Variants in DIAPH2 observed in about 807,000 individuals in gnomAD.
DIAPH2 encodes diaphanous related formin 2.
DIAPH2 carries 35 observed loss-of-function variants against 92.7 expected under a neutral mutation model. That is an observed-to-expected ratio of 0.38 (90% CI 0.29 to 0.50). The LOEUF is 0.50. Among genes scored for constraint, DIAPH2 ranks in the 20% least tolerant of loss-of-function variants. DIAPH2 has a pLI of 0.94. For synonymous variants in DIAPH2, 301 were observed against 280.4 expected (o/e 1.07, Z -0.73); for missense variants, 701 against 819.5 (o/e 0.86, Z 1.77).
At chrX:97,517,678 G>A (rs990382297) in intron 26 of DIAPH2, among the ~76,000 whole-genome samples, 2 of 112,498 alleles carry the variant, frequency 1.8e-5, no homozygotes, top group East Asian at 2.8e-4. Context: ...TAAGGCTTTA[G>A]TCACACATAT....
chrX:97,368,665 C>G (rs974563718), intron 24 of DIAPH2, among the ~76,000 whole-genome samples: 29 of 99,785 alleles, frequency 2.9e-4, no homozygotes, highest in African/African-American at 9.4e-4. Context: ...AACCACAGCT[C>G]TTTTAAAAAG....
intron 22 of DIAPH2, among the ~76,000 whole-genome samples, chrX:97,221,151 AT>A (rs1339057068): frequency 9.0e-6 from 1 of 111,049 alleles, no homozygotes; most frequent in African/African-American, 3.3e-5. Context: ...AAATGGCCTA[AT>A]TTAAGTTGAA....
At chrX:97,367,689 A>G (rs1390972366) in intron 24 of DIAPH2, among the ~76,000 whole-genome samples, 1 of 108,680 alleles carries the variant, frequency 9.2e-6, no homozygotes, top group Non-Finnish European at 1.9e-5. Context: ...GGAATTCTCT[A>G]TCGGTAAAAT....
chrX:97,003,165 A>G (rs757249249), intron 17 of DIAPH2, among the ~76,000 whole-genome samples: 7 of 110,523 alleles, frequency 6.3e-5, no homozygotes, highest in Non-Finnish European at 1.1e-4. Context: ...GTACTCCATC[A>G]TGTATATTTA....
At chrX:97,257,955 T>C (rs948280610) in intron 23 of DIAPH2, among the ~76,000 whole-genome samples, 51 of 70,874 alleles carry the variant, frequency 7.2e-4, no homozygotes, top group Non-Finnish European at 1.3e-3. Context: ...ATGTTCTTTG[T>C]TTAAAAAAAA....
Position 97,559,250 on chromosome X carries a change from G to A in DIAPH2, c.3242-40003G>A, listed in dbSNP as rs777551017. On this transcript the variant is annotated intron_variant, in intron 26 of 26. Coordinates refer to ENST00000324765, the MANE Select transcript of DIAPH2 (RefSeq NM_006729.5). ...CTCATTCCTGTAATCCCAGCACTTT[G>A]GGAGGCCAAGGCAGGTGGATCATAA... Among the ~76,000 whole-genome samples, 5 of 111,568 alleles carry A rather than the reference G, an allele frequency of 4.5e-5. No individual in the cohort carries two copies. The South Asian group carries it at 1.9e-3, about 42-fold the overall frequency.
At chrX:97,366,063 G>A (rs2147711453) in intron 24 of DIAPH2, among the ~76,000 whole-genome samples, 1 of 111,697 alleles carries the variant, frequency 9.0e-6, no homozygotes, top group African/African-American at 3.3e-5. Flanking sequence ...CCTTCTTTGT[G>A]CTGTGAATTC....
At chrX:96,849,024 A>G (rs1169390142) in intron 4 of DIAPH2, among the ~76,000 whole-genome samples, 1 of 112,208 alleles carries the variant, frequency 8.9e-6, no homozygotes, top group Non-Finnish European at 1.9e-5. Context: ...TTTGGCCATC[A>G]GAAGTATTAT....
At chrX:97,008,946 C>T (rs1010556313) in intron 17 of DIAPH2, among the ~76,000 whole-genome samples, 1 of 111,100 alleles carries the variant, frequency 9.0e-6, no homozygotes. Flanking sequence ...TGTGTTTGCT[C>T]AAGGCCCTAG....
intron 22 of DIAPH2, among the ~76,000 whole-genome samples, chrX:97,227,621 T>G (rs1249392252): frequency 5.3e-5 from 6 of 112,170 alleles, no homozygotes; most frequent in Non-Finnish European, 1.1e-4. Flanking sequence ...CAAACAGGTC[T>G]TAGTTTATTC....
chrX:97,291,014 C>G (rs1187546539), intron 23 of DIAPH2, among the ~76,000 whole-genome samples: 2 of 109,857 alleles, frequency 1.8e-5, no homozygotes, highest in Non-Finnish European at 3.8e-5. Flanking sequence ...AACCCTTGAA[C>G]CCGGCAGGCA....
chrX:97,357,891 GAT>G (rs1347015369), intron 24 of DIAPH2, among the ~76,000 whole-genome samples: 2 of 112,011 alleles, frequency 1.8e-5, no homozygotes, highest in African/African-American at 6.5e-5. Flanking sequence ...AAGACATAGA[GAT>G]ATGTGAACTG....
chrX:96,796,766 A>G (rs901030088), intron 4 of DIAPH2, among the ~76,000 whole-genome samples: 2 of 111,826 alleles, frequency 1.8e-5, no homozygotes, highest in African/African-American at 6.5e-5. Context: ...TTACTTGTAT[A>G]TATGTTATAG....
At chrX:97,547,215 A>G (rs2071187975) in intron 26 of DIAPH2, among the ~76,000 whole-genome samples, 2 of 111,330 alleles carry the variant, frequency 1.8e-5, no homozygotes, top group Admixed American at 1.9e-4. Flanking sequence ...CACTCTTGCT[A>G]GGGATCATTG....
chrX:97,561,212 T>G (rs1478717795), intron 26 of DIAPH2, among the ~76,000 whole-genome samples: 2 of 112,572 alleles, frequency 1.8e-5, no homozygotes, highest in East Asian at 5.6e-4. Context: ...TCTTGATACA[T>G]GTATTTGTTT....
At chrX:96,895,188 A>G (rs2065336772) in intron 5 of DIAPH2, among the ~76,000 whole-genome samples, 1 of 109,616 alleles carries the variant, frequency 9.1e-6, no homozygotes, top group Non-Finnish European at 1.9e-5. Context: ...TATTTTTCGT[A>G]GAGATGGGGT....
intron 26 of DIAPH2, among the ~76,000 whole-genome samples, chrX:97,538,693 A>G (rs1158142788): frequency 2.7e-5 from 3 of 112,404 alleles, no homozygotes; most frequent in Non-Finnish European, 5.6e-5. Flanking sequence ...AGAAGTTGCT[A>G]ATCAGTTCAT....
intron 23 of DIAPH2, among the ~76,000 whole-genome samples, chrX:97,291,453 C>A (rs1424758439): frequency 9.0e-6 from 1 of 111,593 alleles, no homozygotes; most frequent in Non-Finnish European, 1.9e-5. Flanking sequence ...CATATTTTTT[C>A]TGTGAATTTT....
At chrX:97,030,128 G>A (rs772050773) in intron 17 of DIAPH2, among the ~76,000 whole-genome samples, 52 of 111,602 alleles carry the variant, frequency 4.7e-4, no homozygotes, top group Middle Eastern at 4.7e-3. Flanking sequence ...ATTAGATGAG[G>A]AATAAGAAAT....
Sources: gnomAD v4.1 joint callset for allele counts (sites outside exome capture counted in the v4.1 genomes callset) on GRCh38, gnomAD v4.1.1 for gene constraint, MANE v1.5 for transcripts, NCBI Gene and HGNC (gene_info 2026-07-23, HGNC 2026-07-21) for gene names.